Variants in CLYBL observed in about 807,000 individuals in gnomAD.
CLYBL encodes citramalyl-CoA lyase.
CLYBL carries 31 observed loss-of-function variants against 38.9 expected under a neutral mutation model. The ratio of observed to expected loss-of-function variants is 0.80; its 90% CI spans 0.60 to 1.08. The LOEUF (loss-of-function observed/expected upper bound fraction) is 1.08. Ranked by LOEUF, CLYBL falls within the 50% of genes least tolerant of loss-of-function variation. The probability of loss-of-function intolerance (pLI) is 0.00; values close to 1 mark genes in which losing one functional copy is unlikely to be tolerated. For synonymous variants in CLYBL, 171 were observed against 158.6 expected (o/e 1.08, Z -0.59); for missense variants, 434 against 411.6 (o/e 1.05, Z -0.47).
At chr13:99,726,823 C>A (rs552164033) in intron 1 of CLYBL, among the ~76,000 whole-genome samples, 1 of 152,060 alleles carries the variant, frequency 6.6e-6, no homozygotes, top group Non-Finnish European at 1.5e-5. Context: ...CTGGTTACCA[C>A]TTGCTCTGTG....
chr13:99,784,696 C>T (rs377362130), intron 2 of CLYBL, among the ~76,000 whole-genome samples: 2 of 152,064 alleles, frequency 1.3e-5, no homozygotes, highest in Admixed American at 6.5e-5. Flanking sequence ...TCAGGTGATC[C>T]GCCCGCCTTG....
intron 1 of CLYBL, among the ~76,000 whole-genome samples, chr13:99,706,383 A>T (rs2048147364): frequency 6.6e-6 from 1 of 152,184 alleles, no homozygotes. Context: ...ACCCTCCAGG[A>T]CACTCTTGCC....
At chr13:99,743,326 A>C (rs2048789987) in intron 1 of CLYBL, among the ~76,000 whole-genome samples, 1 of 152,228 alleles carries the variant, frequency 6.6e-6, no homozygotes, top group Non-Finnish European at 1.5e-5. Context: ...TTGTGGGAAC[A>C]AAGGGAAAGA....
intron 1 of CLYBL, among the ~76,000 whole-genome samples, chr13:99,747,024 A>G (rs1306831581): frequency 6.6e-6 from 1 of 152,182 alleles, no homozygotes; most frequent in African/African-American, 2.4e-5. Context: ...CCTCGGAGTC[A>G]CGGCAGGAAA....
chr13:99,876,440 A>G (rs1371908779), intron 7 of CLYBL, among the ~76,000 whole-genome samples: 1 of 150,914 alleles, frequency 6.6e-6, no homozygotes, highest in African/African-American at 2.5e-5. Flanking sequence ...AAAAAAAAAA[A>G]AGAGTGTTTT....
At chr13:99,689,440 T>C (rs1188366709) in intron 1 of CLYBL, among the ~76,000 whole-genome samples, 1 of 152,188 alleles carries the variant, frequency 6.6e-6, no homozygotes, top group Non-Finnish European at 1.5e-5. Context: ...AAGCAAAAAT[T>C]ACTTAGTGCA....
chr13:99,879,799 A>T (rs1414249970), intron 7 of CLYBL, among the ~76,000 whole-genome samples: 1 of 152,154 alleles, frequency 6.6e-6, no homozygotes, highest in Admixed American at 6.6e-5. Context: ...TCACTGGGCC[A>T]TTCTGTGATA....
intron 2 of CLYBL, among the ~76,000 whole-genome samples, chr13:99,852,142 G>C (rs1287547718): frequency 1.3e-5 from 2 of 152,202 alleles, no homozygotes; most frequent in African/African-American, 2.4e-5. Flanking sequence ...ATCTATAGAG[G>C]CAGAAGGTAG....
intron 1 of CLYBL, among the ~76,000 whole-genome samples, chr13:99,741,575 G>A: frequency 6.6e-6 from 1 of 151,986 alleles, no homozygotes; most frequent in South Asian, 2.1e-4. Flanking sequence ...GTCGGGGGAC[G>A]GAGTCCCACT....
chr13:99,719,915 T>G (rs1417296720), intron 1 of CLYBL, among the ~76,000 whole-genome samples: 2 of 152,168 alleles, frequency 1.3e-5, no homozygotes, highest in African/African-American at 4.8e-5. Flanking sequence ...TTGAAACTTT[T>G]TTTTTCTTTA....
intron 1 of CLYBL, among the ~76,000 whole-genome samples, chr13:99,611,582 G>C (rs1402597102): frequency 3.3e-5 from 5 of 152,124 alleles, no homozygotes; most frequent in African/African-American, 1.2e-4. Context: ...AGGAATAATC[G>C]CCTATAGTTT....
At chr13:99,880,482 C>T (rs2052176953) in intron 7 of CLYBL, among the ~76,000 whole-genome samples, 1 of 152,228 alleles carries the variant, frequency 6.6e-6, no homozygotes, top group African/African-American at 2.4e-5. Context: ...GTGGATCACA[C>T]AGCTAGGAAA....
intron 1 of CLYBL, among the ~76,000 whole-genome samples, chr13:99,719,236 C>CT (rs1218186594): frequency 6.6e-6 from 1 of 151,614 alleles, no homozygotes; most frequent in African/African-American, 2.4e-5. Context: ...CCTTCACCTC[C>CT]TGGGCTCACA....
exon 10 of CLYBL, among the ~76,000 whole-genome samples, chr13:99,908,237 G>A (rs1007979070): frequency 2.0e-5 from 3 of 152,192 alleles, no homozygotes; most frequent in Non-Finnish European, 4.4e-5. Flanking sequence ...TGTGCTCTCA[G>A]AACTCCCTTC....
At chr13:99,868,388 C>T (rs1193657249) in intron 6 of CLYBL, among the ~76,000 whole-genome samples, 1 of 148,738 alleles carries the variant, frequency 6.7e-6, no homozygotes, top group Non-Finnish European at 1.5e-5. Flanking sequence ...GGGCCTTGCA[C>T]AAGGAGAAGA....
chr13:99,903,959 C>T (rs2152138663), intron 8 of CLYBL, among the ~76,000 whole-genome samples: 1 of 152,102 alleles, frequency 6.6e-6, no homozygotes, highest in East Asian at 1.9e-4. Flanking sequence ...GCGGGAGGAG[C>T]ACTTGAGCCC....
intron 7 of CLYBL, among the ~76,000 whole-genome samples, chr13:99,879,432 A>G (rs2052137578): frequency 6.6e-6 from 1 of 152,240 alleles, no homozygotes; most frequent in South Asian, 2.1e-4. Flanking sequence ...ATCTGCTGAA[A>G]GAACGGTGTC....
At chr13:99,704,685 G>A (rs1213602582) in intron 1 of CLYBL, among the ~76,000 whole-genome samples, 1 of 152,150 alleles carries the variant, frequency 6.6e-6, no homozygotes, top group East Asian at 1.9e-4. Context: ...TTTGGGGGCC[G>A]TTTGACAGTC....
At chr13:99,898,342 T>C (rs1594255268), downstream of CLYBL, among the ~76,000 whole-genome samples, 3 of 152,226 alleles carry the variant, frequency 2.0e-5, no homozygotes, top group South Asian at 6.2e-4. Context: ...TCTAGGCATC[T>C]GGCTTAATGT....
Sources: allele counts gnomAD v4.1 joint callset (sites outside exome capture counted in the v4.1 genomes callset), GRCh38; gene constraint gnomAD v4.1.1; transcripts MANE v1.5; gene names NCBI Gene and HGNC (gene_info 2026-07-23, HGNC 2026-07-21).